Variants in MCC observed in about 807,000 individuals in gnomAD.
The protein encoded by MCC is MCC regulator of Wnt signaling pathway.
In MCC, 90 loss-of-function variants were observed where a neutral mutation model predicts 116.2. The ratio of observed to expected loss-of-function variants is 0.77; its 90% confidence interval spans 0.65 to 0.92. MCC has a LOEUF of 0.92. Ranked by LOEUF, MCC falls within the 40% of genes least tolerant of loss-of-function variation. The pLI is 0.00. For missense variants in MCC, 1,516 were observed against 1,312.2 expected (o/e 1.16, Z -2.40); for synonymous variants, 578 against 510.5 (o/e 1.13, Z -1.78).
rs114819178 is a variant in MCC, at chr5:113,191,950, A to G, written c.628-40528T>C. On this transcript the variant is annotated intron_variant, in intron 3 of 18. Coordinates refer to ENST00000408903, the MANE Select transcript of MCC (RefSeq NM_001085377.2). ...CTAAGTACTGTACAAGCCCTGGATAAGTTAGGTTACCACCATGCACACCTA... is the reference window on the plus strand; with the variant it reads ...CTAAGTACTGTACAAGCCCTGGATAGGTTAGGTTACCACCATGCACACCTA... Among the ~76,000 whole-genome samples, 1,453 of 152,340 alleles carry G rather than the reference A, an allele frequency of 9.5e-3. 20 individuals are homozygous for G. The highest frequency in any genetic ancestry group is 0.034 in the African/African-American group (1,403 of 41,574).
intron 8 of MCC, among the ~76,000 whole-genome samples, chr5:113,089,909 AAATG>A: frequency 6.6e-6 from 1 of 152,340 alleles, no homozygotes; most frequent in South Asian, 2.1e-4. Context: ...TTTCGGAAAG[AAATG>A]ACCAGAGCTG....
At chr5:113,185,551 C>T (rs7718971) in intron 3 of MCC, among the ~76,000 whole-genome samples, 27,412 of 152,154 alleles carry the variant, frequency 0.18, 2,599 homozygotes, top group African/African-American at 0.21. Flanking sequence ...GAGAAAGCTA[C>T]ACAGATATCA....
intron 3 of MCC, among the ~76,000 whole-genome samples, chr5:113,221,034 C>G (rs2150329068): frequency 6.6e-6 from 1 of 152,284 alleles, no homozygotes; most frequent in East Asian, 1.9e-4. Flanking sequence ...AAAACCATGT[C>G]TCTACCAAAA....
intron 2 of MCC, among the ~76,000 whole-genome samples, chr5:113,342,141 C>A (rs1768034004): frequency 6.6e-6 from 1 of 152,204 alleles, no homozygotes; most frequent in South Asian, 2.1e-4. Context: ...GTCTCCAATT[C>A]CATCCAGGTT....
intron 1 of MCC, among the ~76,000 whole-genome samples, chr5:113,399,481 T>C (rs2150398103): frequency 6.6e-6 from 1 of 152,134 alleles, no homozygotes; most frequent in South Asian, 2.1e-4. Context: ...CAAGACTCTG[T>C]CTCAAAAAAA....
At chr5:113,064,507 A>G (rs1157969763) in intron 13 of MCC, among the ~76,000 whole-genome samples, 2 of 152,322 alleles carry the variant, frequency 1.3e-5, no homozygotes, top group African/African-American at 2.4e-5. Flanking sequence ...CCATTCAGCC[A>G]CAAGTCTACC....
At chr5:113,140,014 C>G (rs1410165539) in intron 5 of MCC, among the ~76,000 whole-genome samples, 1 of 152,144 alleles carries the variant, frequency 6.6e-6, no homozygotes, top group Non-Finnish European at 1.5e-5. Context: ...AAAATATTTG[C>G]AAACTATGCA....
intron 11 of MCC, among the ~76,000 whole-genome samples, chr5:113,073,449 TA>T (rs1204095450): frequency 6.6e-6 from 1 of 152,188 alleles, no homozygotes; most frequent in Non-Finnish European, 1.5e-5. Flanking sequence ...GAAAACCCTT[TA>T]ATGACTTCTA....
At chr5:113,279,214 C>T (rs1194381666) in intron 3 of MCC, among the ~76,000 whole-genome samples, 1 of 152,124 alleles carries the variant, frequency 6.6e-6, no homozygotes, top group Non-Finnish European at 1.5e-5. Context: ...CATCATTTCA[C>T]GACATGGTGT....
intron 3 of MCC, among the ~76,000 whole-genome samples, chr5:113,153,968 G>C (rs544659921): frequency 6.6e-6 from 1 of 152,224 alleles, no homozygotes; most frequent in Non-Finnish European, 1.5e-5. Context: ...TATTGTACAT[G>C]ACAGAGTTTT....
intron 6 of MCC, among the ~76,000 whole-genome samples, chr5:113,106,558 A>G (rs1302473627): frequency 6.6e-6 from 1 of 152,064 alleles, no homozygotes; most frequent in Non-Finnish European, 1.5e-5. Flanking sequence ...CAACCTTTTT[A>G]GAGACAGGGT....
chr5:113,355,659 T>C (rs12515076), intron 2 of MCC, among the ~76,000 whole-genome samples: 118 of 152,266 alleles, frequency 7.7e-4, no homozygotes, highest in Admixed American at 6.4e-3. Context: ...TGTAAGCAGC[T>C]ACCTCTTGCT....
intron 3 of MCC, chr5:113,294,329 C>T: frequency 6.2e-7 from 1 of 1,613,808 alleles, no homozygotes; most frequent in Non-Finnish European, 8.5e-7. Context: ...TGTTTCTTAC[C>T]TCACTCAGCT....
chr5:113,132,858 T>C (rs1758546280), intron 5 of MCC, among the ~76,000 whole-genome samples: 1 of 152,204 alleles, frequency 6.6e-6, no homozygotes, highest in Non-Finnish European at 1.5e-5. Context: ...CTCCCTTCTT[T>C]GCTTGTTGGC....
intron 1 of MCC, among the ~76,000 whole-genome samples, chr5:113,442,766 C>A (rs1480078964): frequency 6.6e-6 from 1 of 152,114 alleles, no homozygotes; most frequent in Non-Finnish European, 1.5e-5. Context: ...ATCCTTTCCC[C>A]ATTGCTTGCT....
intron 1 of MCC, among the ~76,000 whole-genome samples, chr5:113,457,381 G>T (rs988823832): frequency 1.3e-5 from 2 of 152,242 alleles, no homozygotes; most frequent in African/African-American, 2.4e-5. Flanking sequence ...CTGCCTTCCC[G>T]CGGAGCAGGC....
chr5:113,046,935 G>A (rs143683414), intron 16 of MCC, among the ~76,000 whole-genome samples: 96 of 152,016 alleles, frequency 6.3e-4, no homozygotes, highest in African/African-American at 2.2e-3. Flanking sequence ...CCATGATTCC[G>A]CACGGCCCTC....
At chr5:113,040,339 G>A (rs1258487556) in intron 17 of MCC, among the ~76,000 whole-genome samples, 4 of 152,002 alleles carry the variant, frequency 2.6e-5, no homozygotes, top group Non-Finnish European at 5.9e-5. Context: ...AATGTCACAG[G>A]GCACCTTCCC....
intron 1 of MCC, among the ~76,000 whole-genome samples, chr5:113,471,391 A>G (rs566535926): frequency 4.0e-5 from 6 of 151,730 alleles, no homozygotes; most frequent in Admixed American, 1.3e-4. Flanking sequence ...CTTCTAACAG[A>G]CAGGACCCTC....
Sources: gnomAD v4.1 joint callset for allele counts (sites outside exome capture counted in the v4.1 genomes callset) on GRCh38, gnomAD v4.1.1 for gene constraint, MANE v1.5 for transcripts, NCBI Gene and HGNC (gene_info 2026-07-23, HGNC 2026-07-21) for gene names.